TEAD4: variants seen among roughly 807,000 people sequenced by gnomAD.
TEAD4 encodes the protein transcriptional enhancer factor TEF-3.
A neutral mutation model predicts 52.4 loss-of-function variants in TEAD4; 36 were observed. The observed-to-expected ratio is 0.69, with a 90% CI of 0.53 to 0.91. The LOEUF (loss-of-function observed/expected upper bound fraction) is 0.91. Ranked by LOEUF, TEAD4 falls within the 40% of genes least tolerant of loss-of-function variation. The probability of loss-of-function intolerance (pLI) is 0.00; values close to 1 mark genes in which losing one functional copy is unlikely to be tolerated. For missense variants in TEAD4, 508 were observed against 583.9 expected, an observed-to-expected ratio of 0.87 and a Z score of 1.34; for synonymous variants, 220 against 231.0, an observed-to-expected ratio of 0.95 and a Z score of 0.43.
intron 2 of TEAD4, among the ~76,000 whole-genome samples, chr12:2,974,504 A>G (rs4759437): frequency 0.67 from 101,155 of 152,096 alleles, 36,760 homozygotes; most frequent in Non-Finnish European, 0.82. Flanking sequence ...CAGAGGCTCG[A>G]GTCTTCATTC....
intron 2 of TEAD4, among the ~76,000 whole-genome samples, chr12:2,981,790 T>C (rs2098234274): frequency 6.6e-6 from 1 of 151,898 alleles, no homozygotes. Flanking sequence ...TGCTGGAGGG[T>C]AGTGGGGATG....
chr12:3,002,952 A>G (rs2098252828), intron 3 of TEAD4, among the ~76,000 whole-genome samples: 1 of 152,218 alleles, frequency 6.6e-6, no homozygotes, highest in Admixed American at 6.5e-5. Context: ...CTTCAGTCAG[A>G]AGTTCCTTCT....
chr12:3,019,127 C>G lies in TEAD4; in HGVS notation c.540C>G (p.Phe180Leu). Reference sequence around the variant, plus strand: ...CTCTCTCCCGCAGTGTGAAGCCTTTCTCTCAGCAAACCTATGCTGTCCAGC... The same window carrying G: ...CTCTCTCCCGCAGTGTGAAGCCTTTGTCTCAGCAAACCTATGCTGTCCAGC... Residue 180 changes from phenylalanine (F) to leucine (L), a missense_variant, in exon 8 of 13, where the codon TTC becomes TTG. Phe to Leu is a conservative substitution (Grantham distance 22). Coordinates refer to ENST00000359864, the MANE Select transcript of TEAD4 (RefSeq NM_003213.4). 1 of 1,614,078 alleles carries G rather than the reference C, an allele frequency of 6.2e-7. No individual in the cohort carries two copies. Among genetic ancestry groups the G allele is most frequent in the Non-Finnish European group, 8.5e-7 (1 of 1,179,980 alleles).
At chr12:3,039,967 G>A in intron 11 of TEAD4, 140 bp from the exon 12 acceptor site, 3 of 1,136,156 alleles carry the variant, frequency 2.6e-6, no homozygotes, top group South Asian at 1.5e-5. Flanking sequence ...GATTACAGGT[G>A]TGAGCCACTG....
intron 3 of TEAD4, among the ~76,000 whole-genome samples, chr12:3,003,360 T>C (rs118146357): frequency 0.015 from 2,243 of 152,312 alleles, 29 homozygotes; most frequent in Middle Eastern, 0.048. Flanking sequence ...ACTTACTCCA[T>C]GCCATTTAAC....
At chr12:3,039,372 A>G (rs1299656281) in intron 11 of TEAD4, among the ~76,000 whole-genome samples, 3 of 152,238 alleles carry the variant, frequency 2.0e-5, no homozygotes, top group East Asian at 1.9e-4. Flanking sequence ...ATCTTGCATA[A>G]CTAGAGTGTA....
At chr12:2,964,387 G>T (rs953946026) in intron 2 of TEAD4, among the ~76,000 whole-genome samples, 14 of 152,264 alleles carry the variant, frequency 9.2e-5, no homozygotes, top group African/African-American at 3.4e-4. Flanking sequence ...GCGATCTTGG[G>T]TTGTGGGCAA....
At chr12:2,991,477 C>T (rs570602307) in intron 2 of TEAD4, among the ~76,000 whole-genome samples, 2 of 152,244 alleles carry the variant, frequency 1.3e-5, no homozygotes, top group Admixed American at 6.5e-5. Context: ...GCCTGGCCAA[C>T]GTGGCGAAAC....
intron 3 of TEAD4, among the ~76,000 whole-genome samples, chr12:3,008,179 G>A (rs1318546931): frequency 6.6e-6 from 1 of 152,236 alleles, no homozygotes; most frequent in Non-Finnish European, 1.5e-5. Context: ...AGTAAAGGCA[G>A]TGGGTGCCAG....
At chr12:3,003,229 C>G (rs1056699820) in intron 3 of TEAD4, among the ~76,000 whole-genome samples, 8 of 152,250 alleles carry the variant, frequency 5.3e-5, no homozygotes, top group Non-Finnish European at 1.0e-4. Context: ...GGCTTGTGCT[C>G]TCAGCTCCTC....
chr12:3,017,460 C>T lies in TEAD4; in HGVS notation c.417C>T (p.Ile139=). Residue 139 remains isoleucine (I), a synonymous_variant, in exon 6 of 13, where the codon ATC becomes ATT. Transcript: ENST00000359864. The stretch of plus-strand genomic sequence containing the variant: ...CTGCCATGTCGTCTGCACAGATCAT[C>T]TCCGCCACGGCCTTCCACAGTAGCA... The T allele has an allele frequency of 6.2e-7, 1 of 1,614,192 alleles. No individual in the cohort carries two copies. The highest frequency in any genetic ancestry group is 1.1e-5 in the South Asian group (1 of 91,080).
intron 10 of TEAD4, among the ~76,000 whole-genome samples, chr12:3,036,602 G>A (rs1001438371): frequency 2.0e-5 from 3 of 152,180 alleles, no homozygotes; most frequent in African/African-American, 4.8e-5. Context: ...GTAGGGCTGC[G>A]CTCTGGGCAC....
chr12:2,985,150 C>T (rs534717116), intron 2 of TEAD4, among the ~76,000 whole-genome samples: 3 of 152,024 alleles, frequency 2.0e-5, no homozygotes, highest in South Asian at 2.1e-4. Context: ...TTTGGGAGGC[C>T]GAGGCGGGTG....
intron 3 of TEAD4, among the ~76,000 whole-genome samples, chr12:3,006,289 C>A (rs1313907782): frequency 6.6e-6 from 1 of 152,046 alleles, no homozygotes; most frequent in African/African-American, 2.4e-5. Flanking sequence ...GCTCAGCTGG[C>A]AAGTATATAG....
At position 3,030,122 on chromosome 12, in the gene TEAD4, C is replaced by G. The variant is rs993355673; in HGVS notation, c.898-7846C>G. Among the ~76,000 whole-genome samples the G allele has an allele frequency of 3.8e-4, 58 of 152,320 alleles. 1 individual carries two copies. The highest frequency in any genetic ancestry group is 1.3e-3 in the African/African-American group (54 of 41,578). On this transcript the variant is annotated intron_variant, in intron 10 of 12. Transcript: ENST00000359864. Reference sequence around the variant, plus strand: ...TGAATAAGCCCTGTGTCCCTGAGACCTGTTGCCCTCCTGTTTAATTTCTGA... The same window carrying G: ...TGAATAAGCCCTGTGTCCCTGAGACGTGTTGCCCTCCTGTTTAATTTCTGA...
chr12:2,963,907 G>C (rs1233145585), intron 2 of TEAD4, among the ~76,000 whole-genome samples: 1 of 152,182 alleles, frequency 6.6e-6, no homozygotes, highest in Non-Finnish European at 1.5e-5. Context: ...CCCATGGGTG[G>C]GGACTCTGCT....
rs147476820 is a variant in TEAD4 at position 3,011,014 on chromosome 12, G to A, written c.237G>A (p.Glu79=). Residue 79 remains glutamate, a synonymous_variant, in exon 4 of 13, where the codon GAG becomes GAA. Transcript: ENST00000359864. ...CTGGTGTCTCTGCAGGTCGGAACGAGCTGATTGCCCGCTACATCAAGCTCC... is the reference window on the plus strand; with the variant it reads ...CTGGTGTCTCTGCAGGTCGGAACGAACTGATTGCCCGCTACATCAAGCTCC... The A allele has an allele frequency of 4.3e-4, 692 of 1,614,168 alleles. No homozygotes were observed. The highest frequency in any genetic ancestry group is 5.4e-4 in the Non-Finnish European group (636 of 1,180,008).
intron 3 of TEAD4, among the ~76,000 whole-genome samples, chr12:2,995,628 C>T (rs1309156800): frequency 6.6e-6 from 1 of 152,128 alleles, no homozygotes; most frequent in East Asian, 1.9e-4. Context: ...ACAGCTGAAA[C>T]TGTTCAGCGA....
intron 10 of TEAD4, among the ~76,000 whole-genome samples, chr12:3,036,851 G>C (rs1303013644): frequency 6.6e-6 from 1 of 152,124 alleles, no homozygotes; most frequent in East Asian, 1.9e-4. Flanking sequence ...TGTCTCATCT[G>C]GTGCCTTCCT....
Sources: allele counts gnomAD v4.1 joint callset (sites outside exome capture counted in the v4.1 genomes callset), GRCh38; gene constraint gnomAD v4.1.1; transcripts MANE v1.5; gene names NCBI Gene and HGNC (gene_info 2026-07-23, HGNC 2026-07-21).